Variants in NUP58 observed in about 807,000 individuals in gnomAD.
The protein encoded by NUP58 is nucleoporin p58/p45.
In NUP58, 17 loss-of-function variants were observed where a neutral mutation model predicts 70.1. The observed-to-expected ratio is 0.24, with a 90% confidence interval of 0.17 to 0.36. NUP58 has a LOEUF of 0.36. NUP58 is among the 10% of genes least tolerant of loss of function. The pLI is 1.00. For missense variants in NUP58, 644 were observed against 701.5 expected, an observed-to-expected ratio of 0.92 and a Z score of 0.93; for synonymous variants, 275 against 257.6, an observed-to-expected ratio of 1.07 and a Z score of -0.65.
intron 5 of NUP58, among the ~76,000 whole-genome samples, chr13:25,314,033 A>G (rs569801506): frequency 1.3e-5 from 2 of 151,942 alleles, no homozygotes; most frequent in Non-Finnish European, 2.9e-5. Flanking sequence ...GGTTCAAGAG[A>G]GATTCTCCTG....
intron 6 of NUP58, among the ~76,000 whole-genome samples, chr13:25,318,321 C>T (rs985719106): frequency 3.9e-5 from 6 of 152,080 alleles, no homozygotes; most frequent in South Asian, 2.1e-4. Flanking sequence ...GAGTGAGACT[C>T]CGTCTCAGAA....
chr13:25,345,640 A>AT (rs2032040740), downstream of NUP58, among the ~76,000 whole-genome samples: 1 of 151,990 alleles, frequency 6.6e-6, no homozygotes, highest in Non-Finnish European at 1.5e-5. Context: ...GACTATTTGA[A>AT]TTTTAGGAAC....
At position 25,338,678 on chromosome 13, in the gene NUP58, C is replaced by T; in HGVS notation, c.1577C>T (p.Ala526Val). The T allele has an allele frequency of 6.2e-7, 1 of 1,613,850 alleles. No individual in the cohort carries two copies. The highest frequency in any genetic ancestry group is 8.5e-7 in the Non-Finnish European group (1 of 1,179,822). Residue 526 changes from alanine to valine, a missense_variant, in exon 15 of 16, where the codon GCC becomes GTC. Around this residue, in one of 4 missense-constraint regions of NUP58, gnomAD observed 132 missense variants for 203.9 expected, o/e 0.65. Transcript: ENST00000381736. ...GGTTTTGGATGCAGCACCACAGGGG[C>T]CTCCACATTTGGATTTGGAACAACA... ...SSGFGCSTTG[A>V]STFGFGTTNK...
At chr13:25,311,521 A>G (rs1431489103) in intron 3 of NUP58, among the ~76,000 whole-genome samples, 1 of 151,960 alleles carries the variant, frequency 6.6e-6, no homozygotes, top group Admixed American at 6.6e-5. Flanking sequence ...GATTACAGGC[A>G]TGCGCCACCA....
intron 11 of NUP58, 124 bp from the exon 12 acceptor site, chr13:25,327,306 C>G: frequency 3.3e-6 from 2 of 600,220 alleles, no homozygotes; most frequent in Non-Finnish European, 5.8e-6. Flanking sequence ...GCCATGAGAA[C>G]GTTGATAGAG....
intron 4 of NUP58, among the ~76,000 whole-genome samples, 198 bp from the exon 5 acceptor site, chr13:25,313,416 G>A (rs556579796): frequency 6.6e-6 from 1 of 152,246 alleles, no homozygotes; most frequent in East Asian, 1.9e-4. Flanking sequence ...ACTCCTCAAA[G>A]CCCTTATTTC....
rs73470473 is a variant in NUP58 at position 25,340,272 on chromosome 13, C to T, written c.*138C>T. The T allele has an allele frequency of 1.4e-3, 1,146 of 816,918 alleles. 6 individuals are homozygous for T. In the African/African-American group the frequency reaches 0.017, roughly 12 times the overall value. 50.6% of individuals were successfully genotyped at this position (816,918 alleles called of 1,614,324 possible). A position where few individuals can be genotyped will look rare whatever the true frequency, so the allele number is the denominator to read the frequency against. ...ATTTTTCCCTACTCTGGAATTTGAACTTTCTTCATGTTTGCCATACTGAAC... is the reference window on the plus strand; with the variant it reads ...ATTTTTCCCTACTCTGGAATTTGAATTTTCTTCATGTTTGCCATACTGAAC... On this transcript the variant is annotated 3_prime_UTR_variant, in exon 16 of 16. Transcript: ENST00000381736.
At chr13:25,317,007 T>C (rs1322197095) in intron 6 of NUP58, among the ~76,000 whole-genome samples, 1 of 152,238 alleles carries the variant, frequency 6.6e-6, no homozygotes, top group African/African-American at 2.4e-5. Context: ...AGTTCCCTTT[T>C]ATCTATTGCT....
At chr13:25,345,063 C>T (rs145534905), downstream of NUP58, among the ~76,000 whole-genome samples, 3 of 152,268 alleles carry the variant, frequency 2.0e-5, no homozygotes, top group African/African-American at 4.8e-5. Flanking sequence ...ACATCACATC[C>T]CCATTTATTG....
At chr13:25,332,029 G>C (rs1000183170) in intron 13 of NUP58, 1 of 1,010,560 alleles carries the variant, frequency 9.9e-7, no homozygotes, top group Admixed American at 5.1e-5. Context: ...TGCTTTTATT[G>C]ACTGAAGGTA....
intron 2 of NUP58, among the ~76,000 whole-genome samples, chr13:25,308,490 C>A (rs1204486608): frequency 8.2e-6 from 1 of 121,748 alleles, no homozygotes; most frequent in Admixed American, 8.1e-5. Flanking sequence ...TTTTTTTTTA[C>A]TTTTTTACTT....
rs78319384 is a variant in NUP58 at position 25,329,614 on chromosome 13, T to C, written c.1234-1743T>C. ...TGCCATTATTTTTAGCTTAGTTTAGTGAGCAAACTAAGCTCTAGGTTTCTT... is the reference window on the plus strand; with the variant it reads ...TGCCATTATTTTTAGCTTAGTTTAGCGAGCAAACTAAGCTCTAGGTTTCTT... On this transcript the variant is annotated intron_variant, in intron 12 of 15. Coordinates refer to ENST00000381736, the MANE Select transcript of NUP58 (RefSeq NM_014089.4). 5.2e-3 allele frequency among the ~76,000 whole-genome samples: 795 copies of C among 152,338 alleles called. 33 individuals are homozygous for C. In the East Asian group the frequency reaches 0.093, roughly 18 times the overall value.
Position 25,301,637 on chromosome 13 carries a change from G to T in NUP58, c.-137G>T. On this transcript the variant is annotated 5_prime_UTR_variant, in exon 1 of 16. Transcript: ENST00000381736. ...GCTCCACCCCCTCAGCCTTGCCTTC[G>T]CCGCCGTTGGGGCTGGAAGTTCCCG... 1 of 457,214 alleles carries T rather than the reference G, an allele frequency of 2.2e-6. No individual in the cohort carries two copies. Among genetic ancestry groups the T allele is most frequent in the Non-Finnish European group, 3.8e-6 (1 of 262,464 alleles). 28.3% of individuals were successfully genotyped at this position (457,214 alleles called of 1,614,324 possible).
intron 10 of NUP58, 112 bp downstream of exon 10, chr13:25,325,180 A>G (rs1417368484): frequency 2.7e-6 from 2 of 728,324 alleles, no homozygotes; most frequent in Non-Finnish European, 4.5e-6. Flanking sequence ...GGCTGAGCCA[A>G]TAAGCACTTT....
rs574533468 is a variant in NUP58, at chr13:25,335,394, C to G, written c.1436-1542C>G. On this transcript the variant is annotated intron_variant, in intron 13 of 15. Transcript: ENST00000381736. ...TTAGGGTCTTCCACCAGCAGTGCCT[C>G]CTATTAACCTGTGACAAACAAGTCT... 3.1e-5 allele frequency: 31 copies of G among 985,310 alleles called. No individual in the cohort carries two copies. In the African/African-American group the frequency reaches 5.4e-4, roughly 17 times the overall value. The allele number at this position is 985,310 out of a possible 1,614,324, so 61.0% of individuals were successfully genotyped here.
At chr13:25,321,291 A>G (rs1593187890) in intron 9 of NUP58, among the ~76,000 whole-genome samples, 198 bp downstream of exon 9, 1 of 152,302 alleles carries the variant, frequency 6.6e-6, no homozygotes, top group South Asian at 2.1e-4. Flanking sequence ...ATCCTAAGCA[A>G]TTTATATCTG....
intron 7 of NUP58, 54 bp from the exon 8 acceptor site, chr13:25,320,476 T>C (rs1247152892): frequency 1.6e-6 from 2 of 1,262,702 alleles, no homozygotes; most frequent in African/African-American, 3.0e-5. Context: ...AAAACTCAGC[T>C]GTCAACTTTT....
rs118118628 is a variant in NUP58, at chr13:25,339,527, G to A, written c.1631-438G>A. ...TCAAAACAGTAAGTACTGCTCTTTTGTTTGTTCATTGTCTTGAACATTGTG... is the reference window on the plus strand; with the variant it reads ...TCAAAACAGTAAGTACTGCTCTTTTATTTGTTCATTGTCTTGAACATTGTG... On this transcript the variant is annotated intron_variant, in intron 15 of 15. Coordinates refer to ENST00000381736, the MANE Select transcript of NUP58 (RefSeq NM_014089.4). Among the ~76,000 whole-genome samples, 794 of 152,260 alleles carry A rather than the reference G, an allele frequency of 5.2e-3. 32 individuals carry two copies. The East Asian group carries it at 0.093, about 18-fold the overall frequency.
At chr13:25,333,756 C>T (rs2031689849) in intron 13 of NUP58, 2 of 984,916 alleles carry the variant, frequency 2.0e-6, no homozygotes, top group African/African-American at 3.5e-5. Context: ...TCCCTTATGC[C>T]CTGTGACTTC....
Sources: gnomAD v4.1 joint callset for allele counts (sites outside exome capture counted in the v4.1 genomes callset) on GRCh38, gnomAD v4.1.1 for gene constraint, gnomAD v4.1.1 regional missense constraint, MANE v1.5 for transcripts, NCBI Gene and HGNC (gene_info 2026-07-23, HGNC 2026-07-21) for gene names.